The following KIR2DL4 variants were observed in gnomAD, a reference collection of about 807,000 sequenced individuals.
KIR2DL4 encodes the protein killer cell immunoglobulin-like receptor 2DL4.
Under a neutral mutation model 31.0 loss-of-function variants are expected in KIR2DL4, and 41 were observed. The ratio of observed to expected loss-of-function variants is 1.32; its 90% CI spans 1.03 to 1.72. The LOEUF (loss-of-function observed/expected upper bound fraction) is 1.72. KIR2DL4 is among the 40% of genes most tolerant of loss of function. KIR2DL4 has a pLI of 0.00. For synonymous variants in KIR2DL4, 164 were observed against 133.6 expected (o/e 1.23, Z -1.57); for missense variants, 438 against 353.7 (o/e 1.24, Z -1.91).
rs769988175 is a variant in KIR2DL4 at position 54,813,872 on chromosome 19, A to T, written c.*72A>T. ...TGATGAACAAGACCCTCAGGAGGTGACATACGCACAGTTGGATCACTGCAT... is the reference window on the plus strand; with the variant it reads ...TGATGAACAAGACCCTCAGGAGGTGTCATACGCACAGTTGGATCACTGCAT... On this transcript the variant is annotated 3_prime_UTR_variant, in exon 8 of 8. Transcript: ENST00000359085. The T allele has an allele frequency of 1.1e-5, 17 of 1,612,250 alleles. 1 individual carries two copies. Among genetic ancestry groups the T allele is most frequent in the Non-Finnish European group, 1.4e-5 (17 of 1,179,742 alleles).
In KIR2DL4 at chr19:54,805,949, A is replaced by G; in HGVS notation, c.362-2A>G. The G allele has an allele frequency of 2.5e-6, 4 of 1,600,936 alleles. No homozygotes were observed. The highest frequency in any genetic ancestry group is 3.4e-6 in the Non-Finnish European group (4 of 1,175,684). On this transcript the variant is annotated splice_acceptor_variant, in intron 3 of 7. Transcript: ENST00000359085. LOFTEE classifies it high-confidence loss of function. ...TGAGGAAACTGCCTCTTCTCCTTCC[A>G]GGTCTATATGAGAAACCTTCGCTTA...
At chr19:54,810,791 A>T (rs2060821891) in intron 5 of KIR2DL4, among the ~76,000 whole-genome samples, 1 of 151,158 alleles carries the variant, frequency 6.6e-6, no homozygotes, top group Non-Finnish European at 1.5e-5. Flanking sequence ...CATGATGAAT[A>T]GTGACTGACA....
chr19:54,808,937 C>A, intron 5 of KIR2DL4, 54 bp downstream of exon 5: 3 of 1,424,756 alleles, frequency 2.1e-6, no homozygotes, highest in South Asian at 1.2e-5. Context: ...GAGGTAGAAG[C>A]CTTGGATTCA....
intron 3 of KIR2DL4, among the ~76,000 whole-genome samples, chr19:54,805,645 C>T (rs2075768): frequency 0.34 from 51,149 of 150,124 alleles, 10,194 homozygotes; most frequent in African/African-American, 0.51. Flanking sequence ...TTCTCTCCTG[C>T]CGCCATGTTT....
intron 1 of KIR2DL4, 56 bp from the exon 2 acceptor site, chr19:54,803,835 G>A: frequency 6.3e-7 from 1 of 1,579,516 alleles, no homozygotes; most frequent in African/African-American, 1.4e-5. Context: ...AGTGGCTCAG[G>A]AGGAAAGGGT....
At chr19:54,814,221 C>G in exon 8 of KIR2DL4, 1 of 1,241,202 alleles carries the variant, frequency 8.1e-7, no homozygotes, top group Non-Finnish European at 1.1e-6. Flanking sequence ...AGAGAAAACA[C>G]ACTCCTTTGC....
rs373850899 is a variant in KIR2DL4, at chr19:54,812,580, G to A, written c.707-545G>A. Among the ~76,000 whole-genome samples the A allele has an allele frequency of 1.1e-4, 16 of 149,712 alleles. 1 individual carries two copies. Among genetic ancestry groups the A allele is most frequent in the East Asian group, 7.9e-4 (4 of 5,034 alleles). The stretch of plus-strand genomic sequence containing the variant: ...ATGTGTTTGGCTCACTGATCTGCAC[G>A]CTGTACTAGAAGCAGGACACTACCA... On this transcript the variant is annotated intron_variant, in intron 5 of 7. Transcript: ENST00000359085.
intron 5 of KIR2DL4, among the ~76,000 whole-genome samples, chr19:54,810,950 G>T (rs1306939044): frequency 6.6e-6 from 1 of 151,296 alleles, no homozygotes; most frequent in African/African-American, 2.4e-5. Context: ...AGAGTAATTT[G>T]CAGGGAGGGC....
At chr19:54,808,989 G>A in intron 5 of KIR2DL4, 106 bp downstream of exon 5, 2 of 899,380 alleles carry the variant, frequency 2.2e-6, no homozygotes, top group East Asian at 2.4e-5. Flanking sequence ...TTGTGGGCCT[G>A]TCTTCCATTG....
At position 54,813,166 on chromosome 19, in the gene KIR2DL4, GC is replaced by G; in HGVS notation, c.750del (p.Ile251SerfsTer40). 1 of 1,533,634 alleles carries G rather than the reference GC, an allele frequency of 6.5e-7. No homozygotes were observed. Among genetic ancestry groups the G allele is most frequent in the Non-Finnish European group, 8.9e-7 (1 of 1,127,702 alleles). On this transcript the variant is annotated frameshift_variant, in exon 6 of 8. Transcript: ENST00000359085. LOFTEE classifies it high-confidence loss of function. ...GCATGCTGTGATTAGGTACTCAGTG[GC>G]CATCATCCTCTTTACCATCCTTCCC...
chr19:54,806,449 G>C (rs1050474137), intron 4 of KIR2DL4, among the ~76,000 whole-genome samples: 1 of 150,248 alleles, frequency 6.7e-6, no homozygotes, highest in African/African-American at 2.5e-5. Flanking sequence ...TAAGGGCTCC[G>C]GGTACCCAGG....
exon 8 of KIR2DL4, chr19:54,814,161 TG>T: frequency 6.3e-7 from 1 of 1,590,308 alleles, no homozygotes; most frequent in Non-Finnish European, 8.5e-7. Flanking sequence ...ACCACAAATC[TG>T]GTGCCTGTCT....
chr19:54,808,455 C>T (rs1429814608), intron 4 of KIR2DL4, among the ~76,000 whole-genome samples: 1 of 151,030 alleles, frequency 6.6e-6, no homozygotes, highest in East Asian at 1.9e-4. Flanking sequence ...ATTGAAATGA[C>T]TGTCCTTTCC....
In KIR2DL4 at chr19:54,803,908, AGT is replaced by A. The variant is rs1248699388; in HGVS notation, c.64_65del (p.Trp22GlyfsTer36). On this transcript the variant is annotated frameshift_variant, in exon 2 of 8. Transcript: ENST00000359085. LOFTEE classifies it high-confidence loss of function. ...CTTTGCAGGGTTCTTCTTGGACCAG[AGT>A]GTGTGGGCACACGTGGGTGAGTCCT... The A allele has an allele frequency of 1.2e-4, 196 of 1,609,746 alleles. 2 individuals carry two copies. Among genetic ancestry groups the A allele is most frequent in the Non-Finnish European group, 1.6e-4 (187 of 1,178,862 alleles).
At chr19:54,809,995 A>G (rs1419401430) in intron 5 of KIR2DL4, among the ~76,000 whole-genome samples, 1 of 149,928 alleles carries the variant, frequency 6.7e-6, no homozygotes, top group Non-Finnish European at 1.5e-5. Context: ...AACAAGGTGC[A>G]TTTGGCCTCT....
At chr19:54,811,093 G>C (rs368697840) in intron 5 of KIR2DL4, among the ~76,000 whole-genome samples, 1 of 151,394 alleles carries the variant, frequency 6.6e-6, no homozygotes, top group East Asian at 1.9e-4. Context: ...CAAAGGAAGA[G>C]ACCTATTATA....
chr19:54,804,021 T>A, intron 2 of KIR2DL4, 95 bp downstream of exon 2: 1 of 1,163,980 alleles, frequency 8.6e-7, no homozygotes, highest in Non-Finnish European at 1.3e-6. Flanking sequence ...GGTGGGCTGA[T>A]GGGCTGACCA....
intron 5 of KIR2DL4, among the ~76,000 whole-genome samples, chr19:54,812,579 C>T (rs1270939232): frequency 2.6e-4 from 39 of 149,540 alleles, no homozygotes; most frequent in African/African-American, 8.8e-4. Flanking sequence ...CTGATCTGCA[C>T]GCTGTACTAG....
intron 3 of KIR2DL4, among the ~76,000 whole-genome samples, chr19:54,805,634 G>A (rs945144405): frequency 5.3e-5 from 8 of 150,938 alleles, no homozygotes; most frequent in Non-Finnish European, 7.4e-5. Flanking sequence ...GGGTCAGTGT[G>A]TTCTCTCCTG....
Sources: gnomAD v4.1 joint callset for allele counts (sites outside exome capture counted in the v4.1 genomes callset) on GRCh38, gnomAD v4.1.1 for gene constraint, MANE v1.5 for transcripts, NCBI Gene and HGNC (gene_info 2026-07-23, HGNC 2026-07-21) for gene names.